The following PHLDB1 variants were observed in gnomAD, a reference collection of about 807,000 sequenced individuals.
The protein encoded by PHLDB1 is pleckstrin homology-like domain family B member 1.
In PHLDB1, 65 loss-of-function variants were observed where a neutral mutation model predicts 139.3. That is an observed-to-expected ratio of 0.47 (90% CI 0.38 to 0.57). The LOEUF (loss-of-function observed/expected upper bound fraction) is 0.57. PHLDB1 is among the 20% of genes least tolerant of loss of function. The probability of loss-of-function intolerance (pLI) is 0.00; values close to 1 mark genes in which losing one functional copy is unlikely to be tolerated. For missense variants in PHLDB1, 1,624 were observed against 1,839.7 expected (o/e 0.88, Z 2.14); for synonymous variants, 679 against 734.5 (o/e 0.92, Z 1.22).
At chr11:118,618,240 G>A (rs983138599) in intron 4 of PHLDB1, among the ~76,000 whole-genome samples, 1 of 151,982 alleles carries the variant, frequency 6.6e-6, no homozygotes, top group Non-Finnish European at 1.5e-5. Flanking sequence ...GTCTGGGCTC[G>A]CCTGTCTCAG....
At position 118,611,850 on chromosome 11, in the gene PHLDB1, T is replaced by A. The variant is rs112959066; in HGVS notation, c.-21-1966T>A. Reference sequence around the variant, plus strand: ...AAAAAAAAAATAATAATAATAATAATAAATGGCATTAAGTGCTTTGCTTTC... The same window carrying A: ...AAAAAAAAAATAATAATAATAATAAAAAATGGCATTAAGTGCTTTGCTTTC... On this transcript the variant is annotated intron_variant, in intron 1 of 22. Transcript: ENST00000600882. This position sits in a 1 kb window ranked among gnomAD's most constrained non-coding sequence, Gnocchi z 4.7. 0.19 allele frequency among the ~76,000 whole-genome samples: 28,747 copies of A among 149,700 alleles called. 2,976 individuals are homozygous for A. Among genetic ancestry groups the A allele is most frequent in the South Asian group, 0.35 (1,630 of 4,714 alleles).
At chr11:118,617,729 G>A (rs868973979) in intron 4 of PHLDB1, among the ~76,000 whole-genome samples, 1 of 151,986 alleles carries the variant, frequency 6.6e-6, no homozygotes, top group Non-Finnish European at 1.5e-5. Flanking sequence ...GCAGCAGTAC[G>A]TAGGCCCTTG....
chr11:118,613,818 G>T lies in PHLDB1; in HGVS notation c.-19G>T, dbSNP rs372616538. The stretch of plus-strand genomic sequence containing the variant: ...CCACCTTTCTGCTGTGTCCCTAGGA[G>T]CTCTGGAGCCTTAGGACCATGGACG... On this transcript the variant is annotated splice_region_variant and 5_prime_UTR_variant, in exon 2 of 23. Coordinates refer to ENST00000600882, the MANE Select transcript of PHLDB1 (RefSeq NM_001144758.3). The T allele has an allele frequency of 1.1e-5, 18 of 1,605,502 alleles. No individual in the cohort carries two copies. The highest frequency in any genetic ancestry group is 8.4e-5 in the Admixed American group (5 of 59,864).
At chr11:118,613,482 CAG>C in intron 1 of PHLDB1, 1 of 1,010,202 alleles carries the variant, frequency 9.9e-7, no homozygotes, top group Non-Finnish European at 1.2e-6. Flanking sequence ...TAAGGCTCCA[CAG>C]GGCCAAGGGT....
Position 118,627,747 on chromosome 11 carries a change from C to T in PHLDB1, c.924C>T (p.Ser308=), listed in dbSNP as rs544059010. ...AGTCCCGCCCAAGTGGTGCTCGCTC[C>T]GAGAGTCCTCGGCTGAGCAGGAAAG... ...PPQSRPSGAR[S]ESPRLSRKGG... is the part of the protein sequence containing the mutation. The change falls in exon 6 of 23, where the codon TCC becomes TCT. Residue 308 remains serine, a synonymous_variant. Transcript: ENST00000600882. 724 of 1,608,314 alleles carry T rather than the reference C, an allele frequency of 4.5e-4. 12 individuals carry two copies. The South Asian group carries it at 7.4e-3, about 16-fold the overall frequency.
chr11:118,635,504 C>T lies in PHLDB1; in HGVS notation c.2491C>T (p.Leu831Phe). Residue 831 changes from leucine (L) to phenylalanine (F), a missense_variant, in exon 10 of 23, where the codon CTC becomes TTC. Physicochemically the swap from Leu to Phe is conservative, Grantham distance 22 (BLOSUM62 0). Transcript: ENST00000600882. Reference sequence around the variant, plus strand: ...GCGCGAGCTGGCCGGCCAGGGGCTGCTCCGGAGCAAGGCTGAGCTGCTCCG... The same window carrying T: ...GCGCGAGCTGGCCGGCCAGGGGCTGTTCCGGAGCAAGGCTGAGCTGCTCCG... ...EERELAGQGL[L>F]RSKAELLRSI... 1.2e-6 allele frequency: 2 copies of T among 1,607,802 alleles called. No individual in the cohort carries two copies. The highest frequency in any genetic ancestry group is 1.7e-6 in the Non-Finnish European group (2 of 1,177,494).
rs1426452939 is a variant in PHLDB1, at chr11:118,632,811, C to T, written c.2379+515C>T. On this transcript the variant is annotated intron_variant, in intron 9 of 22. Coordinates refer to ENST00000600882, the MANE Select transcript of PHLDB1 (RefSeq NM_001144758.3). The surrounding 1 kb of genome is among the most constrained non-coding windows in gnomAD (Gnocchi z 5.9). The stretch of plus-strand genomic sequence containing the variant: ...TCCTGCCCCTGCCCCTTTCAGATTT[C>T]GTGCCAGCCTGCAGGGGCCACTCCC... The T allele has an allele frequency of 5.1e-6, 5 of 980,392 alleles. No homozygotes were observed. The highest frequency in any genetic ancestry group is 4.7e-5 in the South Asian group (1 of 21,266). 60.7% of individuals were successfully genotyped at this position (980,392 alleles called of 1,614,324 possible).
rs782562522 is a variant in PHLDB1, at chr11:118,645,773, A to C, written c.3455A>C (p.Glu1152Ala). The change falls in exon 17 of 23, where the codon GAG becomes GCG. Residue 1152 changes from glutamate to alanine, a missense_variant. Transcript: ENST00000600882. The surrounding 1 kb of genome is among the most constrained non-coding windows in gnomAD (Gnocchi z 5.1). ...GACATGGGGAAGATCGAGGAGATGG[A>C]GAAGATGCTGAAAGAGGCTCATGCA... ...GLDMGKIEEM[E>A]KMLKEAHAEK... 6 of 1,613,790 alleles carry C rather than the reference A, an allele frequency of 3.7e-6. No homozygotes were observed. Among genetic ancestry groups the C allele is most frequent in the African/African-American group, 1.3e-5 (1 of 74,974 alleles).
At chr11:118,625,376 T>C (rs1242054285) in intron 5 of PHLDB1, among the ~76,000 whole-genome samples, 1 of 152,166 alleles carries the variant, frequency 6.6e-6, no homozygotes, top group African/African-American at 2.4e-5. Flanking sequence ...ACAGGGAGCC[T>C]CACCCTCTAG....
At chr11:118,613,959 C>A (rs1941043380) in intron 2 of PHLDB1, 63 bp downstream of exon 2, 1 of 1,057,952 alleles carries the variant, frequency 9.5e-7, no homozygotes, top group Non-Finnish European at 1.4e-6. Flanking sequence ...GCTCTTCTAC[C>A]CCCTTGTGGT....
At chr11:118,636,051 G>A (rs1555115395) in intron 10 of PHLDB1, among the ~76,000 whole-genome samples, 2 of 152,226 alleles carry the variant, frequency 1.3e-5, no homozygotes, top group African/African-American at 4.8e-5. Context: ...GGCCTGGCCA[G>A]CTGTGACACG....
rs79575049 is a variant in PHLDB1, at chr11:118,618,239, C to T, written c.355+2028C>T. On this transcript the variant is annotated intron_variant, in intron 4 of 22. Coordinates refer to ENST00000600882, the MANE Select transcript of PHLDB1 (RefSeq NM_001144758.3). ...CCCCCATAGCCTTCTTGTCTGGGCT[C>T]GCCTGTCTCAGAAGCTTGGCAGCCT... is the stretch of plus-strand genomic sequence containing the variant. 5.6e-3 allele frequency among the ~76,000 whole-genome samples: 859 copies of T among 152,214 alleles called. 13 individuals are homozygous for T. The highest frequency in any genetic ancestry group is 0.019 in the African/African-American group (806 of 41,510).
At position 118,647,972 on chromosome 11, in the gene PHLDB1, C is replaced by G; in HGVS notation, c.3550C>G (p.Arg1184Gly). 1.3e-6 allele frequency: 2 copies of G among 1,589,902 alleles called. No homozygotes were observed. The highest frequency in any genetic ancestry group is 1.3e-5 in the African/African-American group (1 of 74,446). ...GCGGCGGCAGGCCCTGGAGGAGGAG[C>G]GGCGGAGGCGTGAGCAGGTAGAACG... ...ELRRQALEEERRRREQVERRL... is the reference protein window; with the variant it reads ...ELRRQALEEEGRRREQVERRL... Residue 1184 changes from arginine (R) to glycine (G), a missense_variant, in exon 18 of 23, where the codon CGG becomes GGG. Coordinates refer to ENST00000600882, the MANE Select transcript of PHLDB1 (RefSeq NM_001144758.3).
chr11:118,609,815 GGGCCGC>G, intron 1 of PHLDB1, among the ~76,000 whole-genome samples: 1 of 152,226 alleles, frequency 6.6e-6, no homozygotes, highest in African/African-American at 2.4e-5. Flanking sequence ...GGGGTGCAAG[GGGCCGC>G]TACCTTGCGG....
In PHLDB1 at chr11:118,645,733, A is replaced by G. The variant is rs782364996; in HGVS notation, c.3417-2A>G. 2 of 1,612,212 alleles carry G rather than the reference A, an allele frequency of 1.2e-6. No individual in the cohort carries two copies. Among genetic ancestry groups the G allele is most frequent in the South Asian group, 1.1e-5 (1 of 91,042 alleles). ...CACTTCCTCTTCCCCTTCTCTCCCC[A>G]GCGCGAGTGGTCTGGACATGGGGAA... On this transcript the variant is annotated splice_acceptor_variant, in intron 16 of 22. Coordinates refer to ENST00000600882, the MANE Select transcript of PHLDB1 (RefSeq NM_001144758.3). LOFTEE classifies it high-confidence loss of function. This position sits in a 1 kb window ranked among gnomAD's most constrained non-coding sequence, Gnocchi z 5.1.
Position 118,627,920 on chromosome 11 carries a change from A to C in PHLDB1, c.1097A>C (p.Tyr366Ser), listed in dbSNP as rs1555104546. 1 of 1,612,318 alleles carries C rather than the reference A, an allele frequency of 6.2e-7. No homozygotes were observed. Among genetic ancestry groups the C allele is most frequent in the South Asian group, 1.1e-5 (1 of 91,084 alleles). ...GTGGTGGCCATCAGCCTGAGTGAATACCCAGCTTCTGGTGCTCTCAGTCAA... is the reference window on the plus strand; with the variant it reads ...GTGGTGGCCATCAGCCTGAGTGAATCCCCAGCTTCTGGTGCTCTCAGTCAA... ...LPVVAISLSE[Y>S]PASGALSQPT... Residue 366 changes from tyrosine (Y) to serine (S), a missense_variant, in exon 6 of 23, where the codon TAC (tyrosine) becomes TCC (serine). Transcript: ENST00000600882.
intron 18 of PHLDB1, among the ~76,000 whole-genome samples, chr11:118,648,986 TAATGAG>T (rs1377178230): frequency 1.6e-4 from 25 of 152,130 alleles, no homozygotes; most frequent in Admixed American, 1.6e-3. Context: ...GTTTGGGAAA[TAATGAG>T]AAGGGGCTGG....
chr11:118,654,585 T>G (rs1308408993), intron 20 of PHLDB1: 1 of 148,002 alleles, frequency 6.8e-6, no homozygotes, highest in Non-Finnish European at 1.5e-5. Flanking sequence ...CAGTACATTC[T>G]TTTTACCTCC....
chr11:118,649,023 A>C (rs1947969702), intron 18 of PHLDB1, among the ~76,000 whole-genome samples: 1 of 152,212 alleles, frequency 6.6e-6, no homozygotes, highest in Admixed American at 6.5e-5. Flanking sequence ...TCACGTCTGT[A>C]ATCCCAGCAC....
Sources: allele counts gnomAD v4.1 joint callset (sites outside exome capture counted in the v4.1 genomes callset), GRCh38; gene constraint gnomAD v4.1.1; non-coding constraint Gnocchi (gnomAD v3.1); transcripts MANE v1.5; gene names NCBI Gene and HGNC (gene_info 2026-07-23, HGNC 2026-07-21).